The following TBCB variants were observed in gnomAD, a reference collection of about 807,000 sequenced individuals.
TBCB encodes the protein tubulin folding cofactor B.
In TBCB, 18 loss-of-function variants were observed where a neutral mutation model predicts 29.2. The ratio of observed to expected loss-of-function variants is 0.62; its 90% CI spans 0.43 to 0.91. The LOEUF (loss-of-function observed/expected upper bound fraction) is 0.91. Among genes scored for constraint, TBCB ranks in the 40% least tolerant of loss-of-function variants. The probability of loss-of-function intolerance (pLI) is 0.00; values close to 1 mark genes in which losing one functional copy is unlikely to be tolerated. For synonymous variants in TBCB, 172 were observed against 137.8 expected (o/e 1.25, Z -1.74); for missense variants, 336 against 337.6 (o/e 1.00, Z 0.04).
rs750627271 is a variant in TBCB at position 36,115,572 on chromosome 19, G to A, written c.12G>A (p.Thr4=). The change falls in exon 1 of 6, where the codon ACG becomes ACA. Residue 4 remains threonine, a synonymous_variant. Coordinates refer to ENST00000221855, the MANE Select transcript of TBCB (RefSeq NM_001281.3). MEV[T]GVSAPTVTVF... Reference sequence around the variant, plus strand: ...CAGGGCGCGGCAAGATGGAGGTGACGGGGGTGTCGGCACCCACGGTGACCG... The same window carrying A: ...CAGGGCGCGGCAAGATGGAGGTGACAGGGGTGTCGGCACCCACGGTGACCG... The A allele has an allele frequency of 2.5e-6, 4 of 1,608,100 alleles. No homozygotes were observed. Among genetic ancestry groups the A allele is most frequent in the African/African-American group, 1.3e-5 (1 of 74,736 alleles).
Position 36,122,254 on chromosome 19 carries a change from C to T in TBCB, c.547+536C>T, listed in dbSNP as rs531716929. The stretch of plus-strand genomic sequence containing the variant: ...AGTGTAGTCAGGGGCATGGGCAGGG[C>T]GGCGTCACAGTGGAGAGCAGTGTGG... On this transcript the variant is annotated intron_variant, in intron 4 of 5. Transcript: ENST00000221855. The T allele has an allele frequency of 2.9e-4, 54 of 188,534 alleles. 1 individual carries two copies. The South Asian group carries it at 3.6e-3, about 13-fold the overall frequency. 11.7% of individuals were successfully genotyped at this position (188,534 alleles called of 1,614,324 possible). A position where few individuals can be genotyped will look rare whatever the true frequency, so the allele number is the denominator to read the frequency against.
upstream of TBCB, chr19:36,115,341 T>A (rs1973927149): frequency 1.8e-6 from 1 of 570,684 alleles, no homozygotes; most frequent in South Asian, 2.1e-5. Context: ...AAGGCCCCTC[T>A]GGATTGGCTG....
chr19:36,120,161 TC>T (rs1292216222), intron 2 of TBCB, among the ~76,000 whole-genome samples: 1 of 152,144 alleles, frequency 6.6e-6, no homozygotes, highest in African/African-American at 2.4e-5. Context: ...AGGTACCTGT[TC>T]CTTTGTTTGT....
At position 36,121,823 on chromosome 19, in the gene TBCB, G is replaced by A. The variant is rs1333769217; in HGVS notation, c.547+105G>A. On this transcript the variant is annotated intron_variant, in intron 4 of 5. Coordinates refer to ENST00000221855, the MANE Select transcript of TBCB (RefSeq NM_001281.3). Reference sequence around the variant, plus strand: ...GAGACCACGCTCTGCCTAGGGGCGCGGGGTTGGGGGGGACTCGAAACGATC... The same window carrying A: ...GAGACCACGCTCTGCCTAGGGGCGCAGGGTTGGGGGGGACTCGAAACGATC... 4.3e-6 allele frequency: 6 copies of A among 1,389,104 alleles called. No individual in the cohort carries two copies. In the Admixed American group the frequency reaches 8.5e-5, roughly 20 times the overall value. The allele number at this position is 1,389,104 out of a possible 1,614,324, so 86.0% of individuals were successfully genotyped here.
intron 2 of TBCB, 150 bp downstream of exon 2, chr19:36,116,334 A>G: frequency 9.4e-7 from 1 of 1,065,828 alleles, no homozygotes. Flanking sequence ...CAGACCCATC[A>G]TTAGACAGGG....
Position 36,115,530 on chromosome 19 carries a change from C to A in TBCB, c.-31C>A. ...CGGAGCGGGTGTGAGGCGGCTGGACCGCGCTGCAGGCATCCGCAGGGCGCG... is the reference window on the plus strand; with the variant it reads ...CGGAGCGGGTGTGAGGCGGCTGGACAGCGCTGCAGGCATCCGCAGGGCGCG... On this transcript the variant is annotated 5_prime_UTR_variant, in exon 1 of 6. Coordinates refer to ENST00000221855, the MANE Select transcript of TBCB (RefSeq NM_001281.3). The A allele has an allele frequency of 1.3e-6, 2 of 1,545,798 alleles. No homozygotes were observed. The highest frequency in any genetic ancestry group is 1.8e-6 in the Non-Finnish European group (2 of 1,137,716).
At position 36,121,582 on chromosome 19, in the gene TBCB, G is replaced by C; in HGVS notation, c.411G>C (p.Glu137Asp). ...RSKLGRYNEE[E>D]RAQQEAEAAQ... ...AGCTCGGCCGGTACAACGAGGAGGA[G>C]CGGGCTCAGCAGGAGGCCGAGGCCG... The change falls in exon 4 of 6, where the codon GAG (glutamate) becomes GAC (aspartate). Residue 137 changes from glutamate (E) to aspartate (D), a missense_variant. Coordinates refer to ENST00000221855, the MANE Select transcript of TBCB (RefSeq NM_001281.3). The C allele has an allele frequency of 6.4e-7, 1 of 1,557,562 alleles. No individual in the cohort carries two copies. The highest frequency in any genetic ancestry group is 1.2e-5 in the South Asian group (1 of 84,786).
chr19:36,120,377 G>T, intron 2 of TBCB: 1 of 284,630 alleles, frequency 3.5e-6, no homozygotes, highest in South Asian at 4.6e-5. Flanking sequence ...CCATCGAGGA[G>T]ATGCGCTGTG....
chr19:36,123,388 G>A (rs372238547), intron 4 of TBCB, among the ~76,000 whole-genome samples: 6 of 151,712 alleles, frequency 4.0e-5, no homozygotes, highest in Admixed American at 2.0e-4. Flanking sequence ...GGCCTCCTGA[G>A]TAGCTGGGAA....
chr19:36,125,071 AAAGTT>A (rs1156477951), intron 4 of TBCB, among the ~76,000 whole-genome samples: 2 of 152,170 alleles, frequency 1.3e-5, no homozygotes, highest in Non-Finnish European at 2.9e-5. Flanking sequence ...TGAGCAACTT[AAAGTT>A]ATTTCTCACA....
Position 36,121,651 on chromosome 19 carries a change from C to G in TBCB, c.480C>G (p.Pro160=). Residue 160 remains proline, a synonymous_variant, in exon 4 of 6, where the codon CCC becomes CCG. Transcript: ENST00000221855. ...AEEKAQASSI[P]VGSRCEVRAA... ...AGAAGGCCCAGGCCAGCTCCATCCC[C>G]GTGGGCAGCCGCTGTGAGGTGCGGG... 1.3e-6 allele frequency: 2 copies of G among 1,560,240 alleles called. No individual in the cohort carries two copies. Among genetic ancestry groups the G allele is most frequent in the East Asian group, 2.4e-5 (1 of 41,806 alleles).
chr19:36,122,128 G>C, intron 4 of TBCB: 1 of 288,014 alleles, frequency 3.5e-6, no homozygotes. Context: ...CAGCAGCCAG[G>C]TGAAAAGGGA....
chr19:36,121,833 G>A (rs1974059281), intron 4 of TBCB, 115 bp downstream of exon 4: 2 of 1,351,756 alleles, frequency 1.5e-6, no homozygotes, highest in Non-Finnish European at 2.0e-6. Context: ...GGGGTTGGGG[G>A]GGACTCGAAA....
intron 1 of TBCB, 68 bp downstream of exon 1, chr19:36,115,742 G>T: frequency 7.7e-7 from 1 of 1,294,716 alleles, no homozygotes. Context: ...GAAGGGGGAG[G>T]CTGGGAGGGG....
chr19:36,120,662 C>T, intron 2 of TBCB, 48 bp from the exon 3 acceptor site: 1 of 1,568,680 alleles, frequency 6.4e-7, no homozygotes, highest in Non-Finnish European at 8.8e-7. Context: ...AGCACCCAGG[C>T]CTCCCTGGCC....
At chr19:36,121,978 TG>T (rs1462111040) in intron 4 of TBCB, 1 of 562,724 alleles carries the variant, frequency 1.8e-6, no homozygotes, top group Non-Finnish European at 3.1e-6. Context: ...GCACGCGGCC[TG>T]TGCGCTTCGA....
intron 2 of TBCB, among the ~76,000 whole-genome samples, chr19:36,118,187 G>T (rs918442341): frequency 2.6e-5 from 4 of 152,158 alleles, no homozygotes; most frequent in African/African-American, 9.7e-5. Flanking sequence ...TCTGTGTTGT[G>T]CCAGGGGTTT....
intron 2 of TBCB, among the ~76,000 whole-genome samples, chr19:36,118,126 C>G (rs1973986352): frequency 6.6e-6 from 1 of 152,172 alleles, no homozygotes; most frequent in Admixed American, 6.5e-5. Flanking sequence ...CTACATGACT[C>G]TAGAGAGAAC....
chr19:36,115,545 C>A lies in TBCB; in HGVS notation c.-16C>A, dbSNP rs11545600. 1 of 1,587,966 alleles carries A rather than the reference C, an allele frequency of 6.3e-7. No homozygotes were observed. The highest frequency in any genetic ancestry group is 8.6e-7 in the Non-Finnish European group (1 of 1,167,188). ...GCGGCTGGACCGCGCTGCAGGCATC[C>A]GCAGGGCGCGGCAAGATGGAGGTGA... On this transcript the variant is annotated 5_prime_UTR_variant, in exon 1 of 6. Transcript: ENST00000221855.
Sources: gnomAD v4.1 joint callset for allele counts (sites outside exome capture counted in the v4.1 genomes callset) on GRCh38, gnomAD v4.1.1 for gene constraint, MANE v1.5 for transcripts, NCBI Gene and HGNC (gene_info 2026-07-23, HGNC 2026-07-21) for gene names.